RBM47: variants seen among roughly 807,000 people sequenced by gnomAD.
RBM47 encodes RNA-binding protein 47.
In RBM47, 21 loss-of-function variants were observed where a neutral mutation model predicts 47.1. That is an observed-to-expected ratio of 0.45 (90% CI 0.32 to 0.64). The LOEUF (loss-of-function observed/expected upper bound fraction) is 0.64, where lower values mean the gene tolerates loss of function less well. RBM47 is among the 30% of genes least tolerant of loss of function. RBM47 has a pLI of 0.05. For synonymous variants in RBM47, 375 were observed against 361.7 expected (o/e 1.04, Z -0.42); for missense variants, 708 against 870.9 (o/e 0.81, Z 2.35).
At chr4:40,447,108 C>G (rs1221991619) in intron 3 of RBM47, among the ~76,000 whole-genome samples, 1 of 152,152 alleles carries the variant, frequency 6.6e-6, no homozygotes, top group African/African-American at 2.4e-5. Context: ...GCAAAATGTC[C>G]AACCATCTAT....
intron 2 of RBM47, chr4:40,543,925 A>C (rs1465495255): frequency 5.3e-5 from 8 of 152,310 alleles, no homozygotes; most frequent in Middle Eastern, 3.4e-3. Flanking sequence ...AAAAAAAAAA[A>C]AAAACATTTG....
chr4:40,555,192 C>G (rs978947735), intron 1 of RBM47, among the ~76,000 whole-genome samples: 1 of 152,242 alleles, frequency 6.6e-6, no homozygotes, highest in South Asian at 2.1e-4. Context: ...CCGCCTCAGA[C>G]TCCCAAAGGG....
At chr4:40,609,782 A>G (rs1316031622) in intron 1 of RBM47, among the ~76,000 whole-genome samples, 2 of 151,830 alleles carry the variant, frequency 1.3e-5, no homozygotes, top group African/African-American at 4.8e-5. Flanking sequence ...CCTGCTTTTC[A>G]TATCTCTGGA....
chr4:40,491,849 T>G (rs537889378), intron 2 of RBM47: 1 of 203,630 alleles, frequency 4.9e-6, no homozygotes, highest in African/African-American at 2.4e-5. Flanking sequence ...CAAATGTGGC[T>G]ACATTGCCAA....
chr4:40,501,800 T>C (rs775419561), intron 2 of RBM47, among the ~76,000 whole-genome samples: 3 of 152,178 alleles, frequency 2.0e-5, no homozygotes, highest in Non-Finnish European at 4.4e-5. Flanking sequence ...AAGCTTCCAA[T>C]ACACTTTAAT....
At chr4:40,571,098 C>G (rs1480413267) in intron 1 of RBM47, among the ~76,000 whole-genome samples, 2 of 151,970 alleles carry the variant, frequency 1.3e-5, no homozygotes, top group African/African-American at 2.4e-5. Flanking sequence ...TGCCTGTAAT[C>G]CCAACTACTT....
chr4:40,527,333 C>T (rs1050298866), intron 2 of RBM47, among the ~76,000 whole-genome samples: 1 of 150,892 alleles, frequency 6.6e-6, no homozygotes. Context: ...GTTGCTCAGG[C>T]TGGAGTGCAG....
intron 2 of RBM47, among the ~76,000 whole-genome samples, chr4:40,488,059 C>T (rs1052887141): frequency 1.3e-5 from 2 of 152,112 alleles, no homozygotes; most frequent in Non-Finnish European, 2.9e-5. Flanking sequence ...CGGTGGCTCA[C>T]ACCTGTAATC....
intron 1 of RBM47, among the ~76,000 whole-genome samples, chr4:40,565,231 C>T (rs1346633883): frequency 6.6e-6 from 1 of 152,188 alleles, no homozygotes; most frequent in Non-Finnish European, 1.5e-5. Context: ...ATTCTGAACT[C>T]CCCCAGTGAT....
At chr4:40,548,897 C>G (rs998228800) in intron 1 of RBM47, among the ~76,000 whole-genome samples, 7 of 152,122 alleles carry the variant, frequency 4.6e-5, no homozygotes, top group Non-Finnish European at 8.8e-5. Flanking sequence ...AACTCCTGAG[C>G]TCAAGTGATC....
chr4:40,565,222 T>C (rs145078279), intron 1 of RBM47, among the ~76,000 whole-genome samples: 88 of 152,342 alleles, frequency 5.8e-4, no homozygotes, highest in African/African-American at 2.0e-3. Flanking sequence ...TTCTCATTCA[T>C]TCTGAACTCC....
At chr4:40,525,293 C>G (rs1314073398) in intron 2 of RBM47, among the ~76,000 whole-genome samples, 1 of 152,070 alleles carries the variant, frequency 6.6e-6, no homozygotes, top group Non-Finnish European at 1.5e-5. Flanking sequence ...CGAAAATTAG[C>G]CAGCTATTTT....
intron 2 of RBM47, among the ~76,000 whole-genome samples, chr4:40,505,341 A>G (rs190001544): frequency 6.6e-6 from 1 of 151,938 alleles, no homozygotes; most frequent in East Asian, 1.9e-4. Context: ...AAAACACACA[A>G]ATTAGCCAGG....
chr4:40,620,211 A>C (rs1168621066), intron 1 of RBM47, among the ~76,000 whole-genome samples: 1 of 124,722 alleles, frequency 8.0e-6, no homozygotes, highest in African/African-American at 2.8e-5. Flanking sequence ...AAAAAAAAAA[A>C]AAAAAAAAAC....
intron 1 of RBM47, among the ~76,000 whole-genome samples, chr4:40,586,926 G>A (rs761736451): frequency 3.9e-5 from 6 of 152,086 alleles, no homozygotes; most frequent in African/African-American, 9.7e-5. Flanking sequence ...TTCAGACAAC[G>A]GCATGACCTT....
At chr4:40,476,742 A>C (rs1396597472) in intron 2 of RBM47, among the ~76,000 whole-genome samples, 1 of 152,126 alleles carries the variant, frequency 6.6e-6, no homozygotes, top group African/African-American at 2.4e-5. Context: ...TCCTGAAAGC[A>C]ATGTGACTTC....
intron 1 of RBM47, among the ~76,000 whole-genome samples, chr4:40,592,454 C>T (rs955905286): frequency 6.9e-6 from 1 of 145,738 alleles, no homozygotes; most frequent in South Asian, 2.1e-4. Context: ...GACAGAGTTT[C>T]GCTCTTGTTG....
rs147135616 is a variant in RBM47, at chr4:40,504,538, C to G, written c.-154-37839G>C. Among the ~76,000 whole-genome samples the G allele has an allele frequency of 4.2e-3, 644 of 152,222 alleles. 1 individual carries two copies. Among genetic ancestry groups the G allele is most frequent in the African/African-American group, 0.015 (609 of 41,544 alleles). On this transcript the variant is annotated intron_variant, in intron 2 of 6. Transcript: ENST00000295971. Reference sequence around the variant, plus strand: ...GAACTCCTGACCTCAAGTGATCCACCCGCCTCGGCCCTCCAAAGTGCCGGG... The same window carrying G: ...GAACTCCTGACCTCAAGTGATCCACGCGCCTCGGCCCTCCAAAGTGCCGGG...
intron 3 of RBM47, among the ~76,000 whole-genome samples, chr4:40,448,024 T>TA (rs1714810345): frequency 1.4e-5 from 2 of 141,652 alleles, no homozygotes; most frequent in Admixed American, 7.0e-5. Flanking sequence ...AAAATAAAAA[T>TA]AAAAAAATAA....
Sources: gnomAD v4.1 joint callset for allele counts (sites outside exome capture counted in the v4.1 genomes callset) on GRCh38, gnomAD v4.1.1 for gene constraint, MANE v1.5 for transcripts, NCBI Gene and HGNC (gene_info 2026-07-23, HGNC 2026-07-21) for gene names.